EXT1: variants seen among roughly 807,000 people sequenced by gnomAD.
The protein encoded by EXT1 is exostosin glycosyltransferase 1.
EXT1 carries 20 observed loss-of-function variants against 82.5 expected under a neutral mutation model. That is an observed-to-expected ratio of 0.24 (90% CI 0.17 to 0.35). The LOEUF (loss-of-function observed/expected upper bound fraction) is 0.35. Ranked by LOEUF, EXT1 falls within the 10% of genes least tolerant of loss-of-function variation. The probability of loss-of-function intolerance (pLI) is 1.00; values close to 1 mark genes in which losing one functional copy is unlikely to be tolerated. For synonymous variants in EXT1, 348 were observed against 350.8 expected, an observed-to-expected ratio of 0.99 and a Z score of 0.09; for missense variants, 757 against 936.5, an observed-to-expected ratio of 0.81 and a Z score of 2.50.
chr8:117,834,621 C>CACACAT (rs68163502), intron 3 of EXT1, among the ~76,000 whole-genome samples: 143,755 of 151,602 alleles, frequency 0.95, 68,450 homozygotes, highest in Non-Finnish European at 1. Flanking sequence ...CACAAACACA[C>CACACAT]ACACATACAC....
chr8:117,920,218 C>T (rs192664506), intron 1 of EXT1, among the ~76,000 whole-genome samples: 3 of 152,232 alleles, frequency 2.0e-5, no homozygotes, highest in African/African-American at 7.2e-5. Context: ...GATTCTCTTG[C>T]CTCAGCCTCC....
At chr8:117,930,092 A>G (rs1390283777) in intron 1 of EXT1, among the ~76,000 whole-genome samples, 1 of 150,434 alleles carries the variant, frequency 6.6e-6, no homozygotes, top group Non-Finnish European at 1.5e-5. Flanking sequence ...CAACAGAGAG[A>G]GACTCCATCT....
chr8:117,960,763 T>C (rs1316631195), intron 1 of EXT1, among the ~76,000 whole-genome samples: 1 of 152,174 alleles, frequency 6.6e-6, no homozygotes. Context: ...CAACAAAGGA[T>C]GTTTAAGCAG....
intron 1 of EXT1, among the ~76,000 whole-genome samples, chr8:117,874,182 A>C (rs1017791975): frequency 6.6e-6 from 1 of 152,210 alleles, no homozygotes; most frequent in Admixed American, 6.5e-5. Context: ...GAGAGGTACA[A>C]AAAGGCTTTG....
At chr8:118,107,572 C>A (rs1817822570) in intron 1 of EXT1, among the ~76,000 whole-genome samples, 1 of 152,192 alleles carries the variant, frequency 6.6e-6, no homozygotes, top group African/African-American at 2.4e-5. Context: ...TCTCACATAT[C>A]TAAGGCCATC....
At chr8:118,092,726 G>C (rs1817544364) in intron 1 of EXT1, among the ~76,000 whole-genome samples, 2 of 152,228 alleles carry the variant, frequency 1.3e-5, no homozygotes, top group African/African-American at 2.4e-5. Context: ...TGCCGGTGTG[G>C]ACAGAAAAAC....
intron 1 of EXT1, among the ~76,000 whole-genome samples, chr8:118,041,780 C>G (rs1250937658): frequency 6.6e-6 from 1 of 152,050 alleles, no homozygotes; most frequent in East Asian, 1.9e-4. Context: ...AACCCTGTCT[C>G]TACTAAAAAA....
intron 1 of EXT1, among the ~76,000 whole-genome samples, chr8:118,061,820 C>T (rs1031964655): frequency 5.3e-5 from 8 of 152,194 alleles, no homozygotes; most frequent in Admixed American, 5.2e-4. Context: ...TGCATCTTTG[C>T]AAAAGATTTG....
At chr8:117,815,673 T>C (rs1586994527) in intron 7 of EXT1, among the ~76,000 whole-genome samples, 1 of 152,188 alleles carries the variant, frequency 6.6e-6, no homozygotes, top group Non-Finnish European at 1.5e-5. Context: ...GGCTCCCGCC[T>C]GTAACCCCAG....
chr8:118,047,121 A>C (rs1816635043), intron 1 of EXT1, among the ~76,000 whole-genome samples: 1 of 152,174 alleles, frequency 6.6e-6, no homozygotes, highest in African/African-American at 2.4e-5. Context: ...CGCCTGGGGA[A>C]GTTTTAAAAA....
chr8:117,943,234 T>C (rs1051342419), intron 1 of EXT1, among the ~76,000 whole-genome samples: 2 of 152,028 alleles, frequency 1.3e-5, no homozygotes, highest in Non-Finnish European at 1.5e-5. Context: ...ATGGCAAGAG[T>C]AGGGGTAAAC....
At chr8:117,985,617 A>C (rs754236645) in intron 1 of EXT1, among the ~76,000 whole-genome samples, 18 of 152,136 alleles carry the variant, frequency 1.2e-4, no homozygotes, top group Admixed American at 1.3e-4. Context: ...AAATGAAGAG[A>C]TTACTAAAAG....
chr8:117,819,552 C>T, intron 6 of EXT1, 124 bp downstream of exon 6: 1 of 806,982 alleles, frequency 1.2e-6, no homozygotes, highest in Admixed American at 1.7e-5. Context: ...AAGGGAGTAG[C>T]AGGGTATGAT....
chr8:117,882,777 TA>T (rs1813082840), intron 1 of EXT1, among the ~76,000 whole-genome samples: 1 of 151,740 alleles, frequency 6.6e-6, no homozygotes, highest in Non-Finnish European at 1.5e-5. Flanking sequence ...AAGAGTCCGA[TA>T]CCATACTGGC....
rs1453717756 is a variant in EXT1, at chr8:118,013,255, C to A, written c.962+96830G>T. On this transcript the variant is annotated intron_variant, in intron 1 of 10. Coordinates refer to ENST00000378204, the MANE Select transcript of EXT1 (RefSeq NM_000127.3). ...GACAGAGTCTCACTCTGTCACCAGG[C>A]TGGAGTGCAGTGGCGCAATCTTAGC... Among the ~76,000 whole-genome samples the A allele has an allele frequency of 2.0e-5, 3 of 152,078 alleles. No homozygotes were observed. The East Asian group carries it at 5.8e-4, about 29-fold the overall frequency.
intron 1 of EXT1, among the ~76,000 whole-genome samples, chr8:117,907,099 G>A (rs997504489): frequency 6.6e-6 from 1 of 152,132 alleles, no homozygotes; most frequent in Non-Finnish European, 1.5e-5. Context: ...TTTCCTCAAG[G>A]TATCCCTTCT....
At position 117,914,177 on chromosome 8, in the gene EXT1, GGAGCCTCGGCA is replaced by G. The variant is rs112624367; in HGVS notation, c.963-76987_963-76977del. On this transcript the variant is annotated intron_variant, in intron 1 of 10. Coordinates refer to ENST00000378204, the MANE Select transcript of EXT1 (RefSeq NM_000127.3). ...AGGACCCCGAACAGAGGGACCGGCT[GGAGCCTCGGCA>G]GAGGAACATAAATTGTGAAGATTTC... is the stretch of plus-strand genomic sequence containing the variant. 2.6e-3 allele frequency among the ~76,000 whole-genome samples: 390 copies of G among 152,306 alleles called. 2 individuals are homozygous for G. The highest frequency in any genetic ancestry group is 9.0e-3 in the African/African-American group (372 of 41,560).
At chr8:117,880,159 C>T (rs541768670) in intron 1 of EXT1, among the ~76,000 whole-genome samples, 101 of 152,284 alleles carry the variant, frequency 6.6e-4, no homozygotes, top group Non-Finnish European at 8.8e-4. Context: ...TGTATTCGGC[C>T]ATTCATCCAA....
chr8:117,984,910 G>A (rs1029490716), intron 1 of EXT1, among the ~76,000 whole-genome samples: 4 of 152,276 alleles, frequency 2.6e-5, no homozygotes, highest in African/African-American at 9.6e-5. Context: ...TTGGAACCAG[G>A]TGCAGACAGG....
Sources: allele counts gnomAD v4.1 joint callset (sites outside exome capture counted in the v4.1 genomes callset), GRCh38; gene constraint gnomAD v4.1.1; transcripts MANE v1.5; gene names NCBI Gene and HGNC (gene_info 2026-07-23, HGNC 2026-07-21).